The following CA10 variants were observed in gnomAD, a reference collection of about 807,000 sequenced individuals.
CA10 encodes carbonic anhydrase-related protein 10.
A neutral mutation model predicts 44.2 loss-of-function variants in CA10; 14 were observed. The observed-to-expected ratio is 0.32, with a 90% confidence interval of 0.21 to 0.50. CA10 has a LOEUF of 0.50. Ranked by LOEUF, CA10 falls within the 20% of genes least tolerant of loss-of-function variation. The pLI is 0.99. For synonymous variants in CA10, 159 were observed against 141.6 expected, an observed-to-expected ratio of 1.12 and a Z score of -0.87; for missense variants, 350 against 409.7, an observed-to-expected ratio of 0.85 and a Z score of 1.26.
chr17:52,107,920 A>G (rs1050788130), intron 1 of CA10, among the ~76,000 whole-genome samples: 5 of 152,106 alleles, frequency 3.3e-5, no homozygotes, highest in Non-Finnish European at 7.4e-5. Flanking sequence ...CTTTTCTACT[A>G]TGAGAAAAAG....
At chr17:51,790,923 T>G (rs1906497551) in intron 3 of CA10, among the ~76,000 whole-genome samples, 1 of 152,218 alleles carries the variant, frequency 6.6e-6, no homozygotes, top group Non-Finnish European at 1.5e-5. Context: ...CCAACTTGCA[T>G]GGAAGCAGCA....
intron 1 of CA10, among the ~76,000 whole-genome samples, chr17:52,076,261 A>G (rs1224900411): frequency 6.6e-6 from 1 of 152,222 alleles, no homozygotes; most frequent in Non-Finnish European, 1.5e-5. Context: ...AAGTAAGAGT[A>G]TTGGCACTGA....
At chr17:51,865,134 A>G (rs1979487120) in intron 3 of CA10, among the ~76,000 whole-genome samples, 1 of 152,164 alleles carries the variant, frequency 6.6e-6, no homozygotes, top group African/African-American at 2.4e-5. Flanking sequence ...TATGACTGGT[A>G]TACATCAAAT....
upstream of CA10, among the ~76,000 whole-genome samples, chr17:52,159,114 C>T (rs190623814): frequency 6.6e-6 from 1 of 152,328 alleles, no homozygotes; most frequent in African/African-American, 2.4e-5. Context: ...GCGGGAGACC[C>T]AGGCAGGACT....
intron 3 of CA10, among the ~76,000 whole-genome samples, chr17:51,801,952 A>C (rs920002347): frequency 2.6e-5 from 4 of 152,220 alleles, no homozygotes; most frequent in Non-Finnish European, 5.9e-5. Context: ...CCCCAACTGA[A>C]GAAGCTTCCT....
At chr17:51,756,263 G>A (rs919130087) in intron 3 of CA10, among the ~76,000 whole-genome samples, 2 of 152,096 alleles carry the variant, frequency 1.3e-5, no homozygotes, top group East Asian at 3.9e-4. Flanking sequence ...ATGCTGCCCA[G>A]GTGAGGAAGG....
chr17:51,780,591 G>A (rs921484084), intron 3 of CA10, among the ~76,000 whole-genome samples: 1 of 152,164 alleles, frequency 6.6e-6, no homozygotes, highest in East Asian at 1.9e-4. Flanking sequence ...AGGATGCAAG[G>A]TCACATGGAC....
At chr17:51,631,706 G>T in intron 8 of CA10, 100 bp from the exon 9 acceptor site, 1 of 1,018,118 alleles carries the variant, frequency 9.8e-7, no homozygotes, top group Middle Eastern at 3.0e-4. Flanking sequence ...CTCCAGAGGG[G>T]AAGGGACTGT....
At chr17:52,051,399 A>G (rs906599550) in intron 2 of CA10, among the ~76,000 whole-genome samples, 10 of 151,970 alleles carry the variant, frequency 6.6e-5, no homozygotes, top group African/African-American at 2.4e-4. Context: ...CAAACTACAC[A>G]TCCTACAAAG....
rs947182267 is a variant in CA10, at chr17:52,035,802, G to A, written c.136+36517C>T. The stretch of plus-strand genomic sequence containing the variant: ...CTCCCATGAGGAGTTGAGGGCGGTG[G>A]GCTATGTAAATGAGGCATTCCTGTT... On this transcript the variant is annotated intron_variant, in intron 2 of 8. Transcript: ENST00000451037. Among the ~76,000 whole-genome samples the A allele has an allele frequency of 1.6e-4, 25 of 152,240 alleles. 1 individual carries two copies. The highest frequency in any genetic ancestry group is 1.2e-4 in the Non-Finnish European group (8 of 68,044).
intron 2 of CA10, among the ~76,000 whole-genome samples, chr17:51,997,797 C>T (rs1451448991): frequency 6.6e-6 from 1 of 151,906 alleles, no homozygotes; most frequent in African/African-American, 2.4e-5. Flanking sequence ...ATAGCATGGT[C>T]TAAAAAATTA....
At chr17:51,942,899 T>C (rs1983137899) in intron 2 of CA10, among the ~76,000 whole-genome samples, 1 of 152,024 alleles carries the variant, frequency 6.6e-6, no homozygotes, top group Admixed American at 6.6e-5. Context: ...CTTGACACAA[T>C]GTAGATACTC....
chr17:52,041,869 C>T (rs188316119), intron 2 of CA10, among the ~76,000 whole-genome samples: 2 of 151,994 alleles, frequency 1.3e-5, no homozygotes, highest in Non-Finnish European at 2.9e-5. Context: ...CTTGTTTCAT[C>T]TTATATAATG....
chr17:51,725,339 G>A lies in CA10; in HGVS notation c.465+22294C>T, dbSNP rs374479219. Among the ~76,000 whole-genome samples, 10 of 152,178 alleles carry A rather than the reference G, an allele frequency of 6.6e-5. No individual in the cohort carries two copies. The South Asian group carries it at 1.7e-3, about 25-fold the overall frequency. ...GTTTCTTGGTTTTCTCATTGCTGTC[G>A]GCTTGAACTTTAATAGAATGCACAC... On this transcript the variant is annotated intron_variant, in intron 4 of 8. Coordinates refer to ENST00000451037, the MANE Select transcript of CA10 (RefSeq NM_020178.5).
intron 2 of CA10, among the ~76,000 whole-genome samples, chr17:52,044,661 C>T (rs1986861553): frequency 6.6e-6 from 1 of 151,864 alleles, no homozygotes; most frequent in Non-Finnish European, 1.5e-5. Context: ...AACTTCTAGA[C>T]ATAAAAAATT....
At chr17:52,028,036 T>TC (rs1306778094) in intron 2 of CA10, among the ~76,000 whole-genome samples, 1 of 152,182 alleles carries the variant, frequency 6.6e-6, no homozygotes, top group Non-Finnish European at 1.5e-5. Context: ...GGCTGACCTC[T>TC]CAGTTTCCTC....
intron 4 of CA10, among the ~76,000 whole-genome samples, chr17:51,708,108 G>A (rs1915817620): frequency 6.6e-6 from 1 of 152,186 alleles, no homozygotes; most frequent in South Asian, 2.1e-4. Flanking sequence ...GGCTCCAGCA[G>A]TCCTTCCAAT....
chr17:52,045,238 A>G (rs1385379923), intron 2 of CA10, among the ~76,000 whole-genome samples: 2 of 151,014 alleles, frequency 1.3e-5, no homozygotes, highest in Non-Finnish European at 2.9e-5. Context: ...ATAAAGGTTA[A>G]ATAAAGCCCA....
At chr17:51,849,500 A>T (rs1265484311) in intron 3 of CA10, among the ~76,000 whole-genome samples, 1 of 151,726 alleles carries the variant, frequency 6.6e-6, no homozygotes, top group East Asian at 1.9e-4. Context: ...AAGATCTGTG[A>T]TCAGTAGATC....
Sources: gnomAD v4.1 joint callset for allele counts (sites outside exome capture counted in the v4.1 genomes callset) on GRCh38, gnomAD v4.1.1 for gene constraint, MANE v1.5 for transcripts, NCBI Gene and HGNC (gene_info 2026-07-23, HGNC 2026-07-21) for gene names.